The following KAZN variants were observed in gnomAD, a reference collection of about 807,000 sequenced individuals.
KAZN encodes the protein kazrin.
Under a neutral mutation model 87.4 loss-of-function variants are expected in KAZN, and 40 were observed. The ratio of observed to expected loss-of-function variants is 0.46; its 90% CI spans 0.36 to 0.60. The LOEUF is 0.60. Ranked by LOEUF, KAZN falls within the 20% of genes least tolerant of loss-of-function variation. The pLI is 0.00. For synonymous variants in KAZN, 466 were observed against 458.3 expected (o/e 1.02, Z -0.22); for missense variants, 898 against 1,073.9 (o/e 0.84, Z 2.29).
chr1:14,031,663 T>C (rs929389333), intron 1 of KAZN, among the ~76,000 whole-genome samples: 1 of 152,252 alleles, frequency 6.6e-6, no homozygotes, highest in Non-Finnish European at 1.5e-5. Flanking sequence ...TGGGTTGTCA[T>C]GGCAACACAT....
intron 1 of KAZN, among the ~76,000 whole-genome samples, chr1:14,943,505 G>A (rs796843207): frequency 9.2e-5 from 14 of 152,306 alleles, no homozygotes; most frequent in African/African-American, 3.4e-4. Flanking sequence ...AAGGCAGTGT[G>A]GTTCTTGAGG....
At position 14,113,494 on chromosome 1, in the gene KAZN, G is replaced by A. The variant is rs571717357; in HGVS notation, c.92-66941G>A. On this transcript the variant is annotated intron_variant, in intron 1 of 16. Coordinates refer to the KAZN transcript ENST00000636203. The stretch of plus-strand genomic sequence containing the variant: ...GATCTGAAAGAGAAGGAAGGTGACC[G>A]GAGACGTCATTTATTACGTCCTTCC... Among the ~76,000 whole-genome samples the A allele has an allele frequency of 5.9e-5, 9 of 152,268 alleles. No homozygotes were observed. In the South Asian group the frequency reaches 8.3e-4, roughly 14 times the overall value.
intron 1 of KAZN, among the ~76,000 whole-genome samples, chr1:14,031,845 G>A (rs1454504605): frequency 6.6e-6 from 1 of 152,094 alleles, no homozygotes; most frequent in African/African-American, 2.4e-5. Context: ...GTATGAAGTG[G>A]AATTCTGGAG....
At chr1:14,166,402 G>A (rs1229877653) in intron 1 of KAZN, among the ~76,000 whole-genome samples, 1 of 152,214 alleles carries the variant, frequency 6.6e-6, no homozygotes, top group African/African-American at 2.4e-5. Flanking sequence ...TTGAATGCCA[G>A]TTCTGCCATT....
intron 1 of KAZN, among the ~76,000 whole-genome samples, chr1:14,805,276 C>T (rs758593476): frequency 4.6e-5 from 7 of 152,140 alleles, no homozygotes; most frequent in African/African-American, 7.2e-5. Context: ...CTGTGCCTCA[C>T]GCTGGGGTGT....
At chr1:14,345,311 C>T (rs1480559622) in intron 2 of KAZN, among the ~76,000 whole-genome samples, 1 of 152,246 alleles carries the variant, frequency 6.6e-6, no homozygotes, top group Non-Finnish European at 1.5e-5. Context: ...GGCTTGTTCA[C>T]ACCTGGATGG....
chr1:14,662,950 T>TATATACAC (rs1023608050), intron 1 of KAZN, among the ~76,000 whole-genome samples: 2 of 145,808 alleles, frequency 1.4e-5, no homozygotes, highest in African/African-American at 2.5e-5. Context: ...TGTAAATATA[T>TATATACAC]ATATATATGC....
chr1:14,740,159 A>G (rs1404991025), intron 1 of KAZN, among the ~76,000 whole-genome samples: 2 of 152,122 alleles, frequency 1.3e-5, no homozygotes, highest in Non-Finnish European at 2.9e-5. Flanking sequence ...TAGGAGGCAA[A>G]TTGGTCCCTC....
chr1:14,706,846 T>C (rs558692174), intron 1 of KAZN, among the ~76,000 whole-genome samples: 98 of 152,146 alleles, frequency 6.4e-4, no homozygotes, highest in Non-Finnish European at 1.2e-3. Context: ...GTTTCTCTTG[T>C]AGAGATGTAT....
intron 1 of KAZN, among the ~76,000 whole-genome samples, chr1:14,079,289 G>T (rs1048300215): frequency 3.3e-5 from 5 of 152,210 alleles, no homozygotes; most frequent in Non-Finnish European, 5.9e-5. Context: ...CTTGCTGCTG[G>T]CAGTCATTTA....
intron 1 of KAZN, among the ~76,000 whole-genome samples, chr1:14,895,679 C>T (rs1044464512): frequency 6.6e-6 from 1 of 152,158 alleles, no homozygotes; most frequent in Non-Finnish European, 1.5e-5. Context: ...TCTTTTCAGC[C>T]CCTTCATCAT....
intron 1 of KAZN, among the ~76,000 whole-genome samples, chr1:14,069,178 A>G (rs1403122377): frequency 1.3e-5 from 2 of 152,212 alleles, no homozygotes; most frequent in African/African-American, 4.8e-5. Flanking sequence ...AATATGGGTA[A>G]AGAGAGCAGG....
intron 1 of KAZN, among the ~76,000 whole-genome samples, chr1:13,930,579 G>T (rs563268121): frequency 6.6e-6 from 1 of 152,138 alleles, no homozygotes; most frequent in African/African-American, 2.4e-5. Context: ...TGCTAGGGCT[G>T]GGGAAACAGA....
At chr1:14,087,927 T>A (rs1643890950) in intron 1 of KAZN, among the ~76,000 whole-genome samples, 1 of 151,698 alleles carries the variant, frequency 6.6e-6, no homozygotes, top group African/African-American at 2.4e-5. Context: ...TGTAATCTCT[T>A]TGTCTGGTTT....
chr1:14,367,983 A>G (rs1016349837), intron 2 of KAZN, among the ~76,000 whole-genome samples: 13 of 152,232 alleles, frequency 8.5e-5, no homozygotes, highest in African/African-American at 3.1e-4. Flanking sequence ...AAAGTGGGAT[A>G]GCGAGAGCTT....
At chr1:14,881,131 A>G (rs1403329465) in intron 1 of KAZN, among the ~76,000 whole-genome samples, 2 of 152,204 alleles carry the variant, frequency 1.3e-5, no homozygotes, top group Non-Finnish European at 2.9e-5. Context: ...AATATCCAGC[A>G]AAGCTGTGTT....
chr1:15,053,232 C>G (rs567090407), intron 4 of KAZN, among the ~76,000 whole-genome samples: 1 of 152,210 alleles, frequency 6.6e-6, no homozygotes, highest in Non-Finnish European at 1.5e-5. Context: ...GCTGTGTGCA[C>G]GCACACCTGG....
upstream of KAZN, among the ~76,000 whole-genome samples, chr1:14,594,756 G>A (rs577119811): frequency 6.6e-6 from 1 of 152,336 alleles, no homozygotes; most frequent in African/African-American, 2.4e-5. Context: ...GTTTGCAGGT[G>A]TGTCCCAGGA....
chr1:14,265,384 A>C (rs1651396075), intron 2 of KAZN, among the ~76,000 whole-genome samples: 1 of 152,216 alleles, frequency 6.6e-6, no homozygotes, highest in Non-Finnish European at 1.5e-5. Context: ...GCATTATCAC[A>C]ACTCCAATAA....
Sources: allele counts gnomAD v4.1 joint callset (sites outside exome capture counted in the v4.1 genomes callset), GRCh38; gene constraint gnomAD v4.1.1; transcripts MANE v1.5; gene names NCBI Gene and HGNC (gene_info 2026-07-23, HGNC 2026-07-21).